STS: variants seen among roughly 807,000 people sequenced by gnomAD.
STS encodes steryl-sulfatase.
Under a neutral mutation model 26.8 loss-of-function variants are expected in STS, and 7 were observed. That is an observed-to-expected ratio of 0.26 (90% confidence interval 0.15 to 0.49). STS has a LOEUF of 0.49. Ranked by LOEUF, STS falls within the 20% of genes least tolerant of loss-of-function variation. STS has a pLI of 0.98. For synonymous variants in STS, 199 were observed against 189.4 expected, an observed-to-expected ratio of 1.05 and a Z score of -0.42; for missense variants, 434 against 465.6, an observed-to-expected ratio of 0.93 and a Z score of 0.63.
intron 7 of STS, among the ~76,000 whole-genome samples, chrX:7,300,311 G>C (rs73192701): frequency 0.11 from 12,491 of 111,741 alleles, 752 homozygotes; most frequent in Non-Finnish European, 0.17. Context: ...CTATAATGCA[G>C]CTCACCATCG....
chrX:7,161,295 T>C (rs2146989101), intron 1 of STS, among the ~76,000 whole-genome samples: 1 of 111,790 alleles, frequency 8.9e-6, no homozygotes, highest in Non-Finnish European at 1.9e-5. Context: ...ACAGGCTATG[T>C]TGGTTTTAAG....
chrX:7,307,050 A>G (rs1926251983), intron 8 of STS, among the ~76,000 whole-genome samples: 1 of 111,312 alleles, frequency 9.0e-6, no homozygotes, highest in African/African-American at 3.3e-5. Context: ...ACCGTCTCCT[A>G]CACCTTTTGT....
chrX:7,324,930 C>CCCAGGCTCCAGGCT (rs1233965493), intron 8 of STS, among the ~76,000 whole-genome samples: 1 of 111,534 alleles, frequency 9.0e-6, no homozygotes, highest in African/African-American at 3.3e-5. Context: ...TACCCATTTC[C>CCCAGGCTCCAGGCT]CCAGGCTCCA....
chrX:7,288,943 A>T (rs1925278706), intron 7 of STS, among the ~76,000 whole-genome samples: 1 of 111,621 alleles, frequency 9.0e-6, no homozygotes, highest in Admixed American at 9.5e-5. Context: ...GCATTGGCTG[A>T]TTCATCTAGC....
At chrX:7,243,993 C>T (rs1280227104) in intron 2 of STS, among the ~76,000 whole-genome samples, 7 of 111,236 alleles carry the variant, frequency 6.3e-5, no homozygotes, top group Middle Eastern at 4.6e-3. Context: ...TGCTTGAACC[C>T]GGGCGGCAGA....
chrX:7,173,411 G>T (rs189953456), intron 1 of STS, among the ~76,000 whole-genome samples: 1 of 111,815 alleles, frequency 8.9e-6, no homozygotes, highest in African/African-American at 3.3e-5. Flanking sequence ...ACACGTGCAT[G>T]TATCTTTATA....
At chrX:7,178,442 T>C (rs1933615154) in intron 1 of STS, among the ~76,000 whole-genome samples, 1 of 111,597 alleles carries the variant, frequency 9.0e-6, no homozygotes, top group African/African-American at 3.3e-5. Context: ...TGGCTTCATA[T>C]ACTCCCGCTG....
At chrX:7,340,056 CAAA>C (rs202100721) in intron 10 of STS, among the ~76,000 whole-genome samples, 1 of 55,787 alleles carries the variant, frequency 1.8e-5, no homozygotes, top group Non-Finnish European at 3.5e-5. Context: ...TTCTTGAATA[CAAA>C]AAAAAAAAAA....
chrX:7,169,793 G>A (rs1347370540), intron 1 of STS, among the ~76,000 whole-genome samples: 1 of 107,129 alleles, frequency 9.3e-6, no homozygotes, highest in African/African-American at 3.4e-5. Context: ...TCTGAGACTC[G>A]TTTGTTTGCC....
At chrX:7,301,049 G>A (rs1353803150) in intron 7 of STS, among the ~76,000 whole-genome samples, 1 of 111,058 alleles carries the variant, frequency 9.0e-6, no homozygotes, top group African/African-American at 3.3e-5. Context: ...CACACAGCCC[G>A]TGTAAGGTGG....
intron 2 of STS, among the ~76,000 whole-genome samples, chrX:7,218,292 C>T (rs1317954111): frequency 1.8e-5 from 2 of 112,604 alleles, no homozygotes; most frequent in African/African-American, 6.4e-5. Context: ...AACCTTTATA[C>T]TTGATGCAAT....
At chrX:7,264,896 A>C (rs1923924872) in intron 6 of STS, among the ~76,000 whole-genome samples, 1 of 111,630 alleles carries the variant, frequency 9.0e-6, no homozygotes, top group African/African-American at 3.3e-5. Flanking sequence ...TTTATAAGAT[A>C]CATCATTCAG....
chrX:7,317,495 G>A (rs767057984), intron 8 of STS, among the ~76,000 whole-genome samples: 9 of 111,066 alleles, frequency 8.1e-5, no homozygotes, highest in Admixed American at 3.9e-4. Flanking sequence ...TTAAGGCAGC[G>A]TTTCACTTTG....
At chrX:7,293,809 T>A (rs1389460329) in intron 7 of STS, among the ~76,000 whole-genome samples, 1 of 110,390 alleles carries the variant, frequency 9.1e-6, no homozygotes, top group African/African-American at 3.3e-5. Flanking sequence ...CAGAAAGAGG[T>A]TTTTGCAACC....
chrX:7,255,133 T>C (rs1331835784), intron 3 of STS, among the ~76,000 whole-genome samples: 5 of 112,517 alleles, frequency 4.4e-5, no homozygotes, highest in Non-Finnish European at 1.9e-5. Context: ...AATCTGAAAC[T>C]TTGCATCAAA....
At chrX:7,185,476 G>A (rs1933755695) in intron 1 of STS, among the ~76,000 whole-genome samples, 1 of 112,848 alleles carries the variant, frequency 8.9e-6, no homozygotes, top group Non-Finnish European at 1.9e-5. Flanking sequence ...GCTGACCCCT[G>A]TTGCATGGCT....
chrX:7,309,589 A>C (rs1478168115), intron 8 of STS, among the ~76,000 whole-genome samples: 1 of 48,274 alleles, frequency 2.1e-5, no homozygotes, highest in African/African-American at 1.2e-4. Flanking sequence ...AATATACCAG[A>C]CTTCTTGTTA....
chrX:7,234,581 C>T (rs143283856), intron 2 of STS, among the ~76,000 whole-genome samples: 1,226 of 112,026 alleles, frequency 0.011, 44 homozygotes, highest in Admixed American at 0.086. Context: ...TCAGAGGCAG[C>T]TCTGGCCTCT....
intron 6 of STS, among the ~76,000 whole-genome samples, chrX:7,271,917 T>C (rs1009280644): frequency 1.6e-4 from 18 of 110,233 alleles, no homozygotes; most frequent in Non-Finnish European, 1.5e-4. Flanking sequence ...ATGCCTGGCT[T>C]AGCTCTAACC....
Sources: gnomAD v4.1 joint callset for allele counts (sites outside exome capture counted in the v4.1 genomes callset) on GRCh38, gnomAD v4.1.1 for gene constraint, MANE v1.5 for transcripts, NCBI Gene and HGNC (gene_info 2026-07-23, HGNC 2026-07-21) for gene names.